The following KDM4C variants were observed in gnomAD, a reference collection of about 807,000 sequenced individuals.
KDM4C encodes lysine demethylase 4C, also known as lysine-specific demethylase 4C.
In KDM4C, 81 loss-of-function variants were observed where a neutral mutation model predicts 129.3. The ratio of observed to expected loss-of-function variants is 0.63; its 90% CI spans 0.52 to 0.75. KDM4C has a LOEUF of 0.75. KDM4C is among the 30% of genes least tolerant of loss of function. KDM4C has a pLI of 0.00. For missense variants in KDM4C, 1,457 were observed against 1,304.0 expected, an observed-to-expected ratio of 1.12 and a Z score of -1.81; for synonymous variants, 573 against 456.1, an observed-to-expected ratio of 1.26 and a Z score of -3.26.
intron 8 of KDM4C, among the ~76,000 whole-genome samples, chr9:6,963,101 G>A (rs1222855237): frequency 6.6e-6 from 1 of 152,184 alleles, no homozygotes; most frequent in Non-Finnish European, 1.5e-5. Flanking sequence ...TTTCTCATCT[G>A]TTATGTGGGG....
chr9:7,129,993 C>T (rs1486728921), intron 19 of KDM4C, among the ~76,000 whole-genome samples: 1 of 152,106 alleles, frequency 6.6e-6, no homozygotes, highest in Non-Finnish European at 1.5e-5. Context: ...ACTCTTAACC[C>T]TGGGGAAGAA....
At chr9:7,128,258 C>T (rs368251224) in intron 19 of KDM4C, 22 bp downstream of exon 19, 234 of 1,507,358 alleles carry the variant, frequency 1.6e-4, no homozygotes, top group Non-Finnish European at 2.0e-4. Flanking sequence ...TCCTTGAGTG[C>T]CTGCTACCCA....
intron 1 of KDM4C, among the ~76,000 whole-genome samples, chr9:6,780,256 C>T (rs1319312216): frequency 6.6e-6 from 1 of 151,852 alleles, no homozygotes; most frequent in African/African-American, 2.4e-5. Flanking sequence ...GTGAATACAG[C>T]GGTGTTATTG....
In KDM4C at chr9:6,749,299, G is replaced by A. The variant is rs1213586751; in HGVS notation, c.49+28302G>A. On this transcript the variant is annotated intron_variant, in intron 1 of 17. Transcript: ENST00000536108. ...CTCCCAAAGTGCTGGGATTGCAGGC[G>A]TGAGCTACCAAGCCTGGCCAGGAAT... 5.3e-5 allele frequency among the ~76,000 whole-genome samples: 8 copies of A among 152,258 alleles called. No homozygotes were observed. In the East Asian group the frequency reaches 1.5e-3, roughly 29 times the overall value.
At chr9:6,772,734 C>G (rs1286476935) in intron 1 of KDM4C, among the ~76,000 whole-genome samples, 1 of 148,646 alleles carries the variant, frequency 6.7e-6, no homozygotes, top group Non-Finnish European at 1.5e-5. Flanking sequence ...GTTCTTTCAC[C>G]CATGCTGGAG....
At chr9:6,878,243 T>C (rs1325352371) in intron 5 of KDM4C, among the ~76,000 whole-genome samples, 1 of 152,222 alleles carries the variant, frequency 6.6e-6, no homozygotes, top group Non-Finnish European at 1.5e-5. Flanking sequence ...CCTTTGATTA[T>C]TTCTGAAGCT....
chr9:6,880,144 A>G, intron 6 of KDM4C, 83 bp downstream of exon 6: 1 of 789,814 alleles, frequency 1.3e-6, no homozygotes, highest in East Asian at 2.7e-5. Flanking sequence ...GGTACTTTTT[A>G]CAATATAGAC....
chr9:6,926,867 G>A (rs541855658), intron 8 of KDM4C, among the ~76,000 whole-genome samples: 1 of 152,258 alleles, frequency 6.6e-6, no homozygotes, highest in Non-Finnish European at 1.5e-5. Context: ...CTGCATTACT[G>A]TCCTTTAATT....
intron 5 of KDM4C, among the ~76,000 whole-genome samples, chr9:6,866,611 C>G (rs767259326): frequency 6.6e-6 from 1 of 151,988 alleles, no homozygotes; most frequent in Non-Finnish European, 1.5e-5. Context: ...TCAGGTACTC[C>G]CAGTGCTTCC....
chr9:6,891,030 AAAT>A (rs1409388978), intron 7 of KDM4C, among the ~76,000 whole-genome samples: 1 of 152,176 alleles, frequency 6.6e-6, no homozygotes, highest in Non-Finnish European at 1.5e-5. Context: ...TTGTTGGGAA[AAAT>A]AATACTTTCC....
intron 15 of KDM4C, among the ~76,000 whole-genome samples, chr9:7,031,176 G>A (rs1352737015): frequency 1.6e-5 from 2 of 121,356 alleles, no homozygotes; most frequent in Admixed American, 8.5e-5. Context: ...ATTTATGTAT[G>A]TTTTGAGATG....
intron 6 of KDM4C, among the ~76,000 whole-genome samples, chr9:6,882,776 G>GTA (rs1844656612): frequency 8.4e-6 from 1 of 118,350 alleles, no homozygotes; most frequent in Non-Finnish European, 1.7e-5. Flanking sequence ...AAGCATTTGT[G>GTA]TGTGTGTGTG....
intron 18 of KDM4C, among the ~76,000 whole-genome samples, chr9:7,124,140 T>C (rs1330920683): frequency 1.3e-5 from 2 of 152,192 alleles, no homozygotes. Flanking sequence ...TGACGAGGGT[T>C]ATGTAACACC....
At chr9:6,958,787 G>A (rs932444331) in intron 8 of KDM4C, among the ~76,000 whole-genome samples, 5 of 145,184 alleles carry the variant, frequency 3.4e-5, no homozygotes, top group African/African-American at 1.3e-4. Flanking sequence ...TTCCACCTCC[G>A]CCTCCCATGT....
chr9:6,901,592 A>G (rs900048382), intron 8 of KDM4C, among the ~76,000 whole-genome samples: 1 of 152,192 alleles, frequency 6.6e-6, no homozygotes, highest in Non-Finnish European at 1.5e-5. Context: ...TCTTTCCTTG[A>G]AACACACTTG....
At chr9:7,021,077 A>C (rs1216701719) in intron 15 of KDM4C, among the ~76,000 whole-genome samples, 1 of 150,340 alleles carries the variant, frequency 6.7e-6, no homozygotes, top group Non-Finnish European at 1.5e-5. Context: ...ATGGTTGAGC[A>C]CCTTTTCATA....
intron 1 of KDM4C, among the ~76,000 whole-genome samples, chr9:6,739,775 T>C (rs1344420632): frequency 6.6e-6 from 1 of 152,006 alleles, no homozygotes; most frequent in Non-Finnish European, 1.5e-5. Flanking sequence ...GGAGGAAGGA[T>C]TGCTAGGAGT....
intron 8 of KDM4C, among the ~76,000 whole-genome samples, chr9:6,933,976 T>G (rs1476289103): frequency 1.3e-5 from 2 of 151,928 alleles, no homozygotes; most frequent in Non-Finnish European, 2.9e-5. Flanking sequence ...TAGCCTCCTG[T>G]GTAGCTGGAA....
intron 4 of KDM4C, among the ~76,000 whole-genome samples, chr9:6,824,989 C>T (rs1249150205): frequency 6.6e-6 from 1 of 151,392 alleles, no homozygotes; most frequent in Non-Finnish European, 1.5e-5. Context: ...ACTAAAAATA[C>T]AAAAAAATTA....
Sources: allele counts gnomAD v4.1 joint callset (sites outside exome capture counted in the v4.1 genomes callset), GRCh38; gene constraint gnomAD v4.1.1; transcripts MANE v1.5; gene names NCBI Gene and HGNC (gene_info 2026-07-23, HGNC 2026-07-21).